SERPINI1: variants seen among roughly 807,000 people sequenced by gnomAD.
The protein encoded by SERPINI1 is serpin family I member 1.
In SERPINI1, 19 loss-of-function variants were observed where a neutral mutation model predicts 41.1. That is an observed-to-expected ratio of 0.46 (90% confidence interval 0.32 to 0.68). The LOEUF is 0.68. SERPINI1 is among the 30% of genes least tolerant of loss of function. The pLI is 0.03. For synonymous variants in SERPINI1, 138 were observed against 156.6 expected, an observed-to-expected ratio of 0.88 and a Z score of 0.89; for missense variants, 460 against 479.2, an observed-to-expected ratio of 0.96 and a Z score of 0.37.
chr3:167,764,946 G>C (rs1726510830), intron 1 of SERPINI1, among the ~76,000 whole-genome samples: 1 of 152,170 alleles, frequency 6.6e-6, no homozygotes, highest in Non-Finnish European at 1.5e-5. Flanking sequence ...TCACATCCAG[G>C]TCACACTGAT....
intron 5 of SERPINI1, chr3:167,800,023 T>C (rs1021334424): frequency 6.6e-6 from 1 of 152,146 alleles, no homozygotes; most frequent in Admixed American, 6.6e-5. Flanking sequence ...GCTTTTGTAT[T>C]TTAGCAGTTT....
rs531953698 is a variant in SERPINI1, at chr3:167,820,873, C to T, written c.980-2113C>T. ...GAATGAGAACTTACGGTGCTTTTTC[C>T]GCGCCACCTGTGGCCACCCATGGAT... On this transcript the variant is annotated intron_variant, in intron 6 of 8. Transcript: ENST00000446050. Among the ~76,000 whole-genome samples, 15 of 152,254 alleles carry T rather than the reference C, an allele frequency of 9.9e-5. No homozygotes were observed. The East Asian group carries it at 1.7e-3, about 18-fold the overall frequency.
At chr3:167,794,869 C>CTA in intron 5 of SERPINI1, 45 bp downstream of exon 5, 1 of 1,508,064 alleles carries the variant, frequency 6.6e-7, no homozygotes, top group African/African-American at 1.4e-5. Context: ...GGACGATGGG[C>CTA]TATCAATGAA....
At chr3:167,800,793 C>CTGTTTTGTTTTGTTTTGTTT (rs10647517) in intron 5 of SERPINI1, among the ~76,000 whole-genome samples, 8,701 of 151,650 alleles carry the variant, frequency 0.057, 876 homozygotes, top group African/African-American at 0.2. Flanking sequence ...TTTGTTGTTG[C>CTGTTTTGTTTTGTTTTGTTT]TGTTTTGTTT....
In SERPINI1 at chr3:167,750,495, AG is replaced by A. The variant is rs1323977969; in HGVS notation, c.-19+14674del. 2.6e-5 allele frequency among the ~76,000 whole-genome samples: 4 copies of A among 152,334 alleles called. No homozygotes were observed. In the East Asian group the frequency reaches 7.7e-4, roughly 29 times the overall value. ...TGATGCTTATTTGTGTATCATGTGA[AG>A]GCTATTATTAGTATGTGAAGAGAAA... On this transcript the variant is annotated intron_variant, in intron 1 of 8. Coordinates refer to ENST00000446050, the MANE Select transcript of SERPINI1 (RefSeq NM_001122752.2).
intron 6 of SERPINI1, among the ~76,000 whole-genome samples, chr3:167,819,634 T>C (rs1218965489): frequency 2.6e-5 from 4 of 152,228 alleles, no homozygotes; most frequent in Non-Finnish European, 5.9e-5. Context: ...TTGGGGCTTA[T>C]TCAAAGTAAT....
At chr3:167,805,754 C>T (rs1021644574) in intron 5 of SERPINI1, among the ~76,000 whole-genome samples, 6 of 152,028 alleles carry the variant, frequency 3.9e-5, no homozygotes, top group African/African-American at 9.7e-5. Context: ...CTGTTTTCTG[C>T]GTATGGCTAG....
chr3:167,771,926 G>A (rs1334398637), intron 1 of SERPINI1, among the ~76,000 whole-genome samples: 2 of 152,224 alleles, frequency 1.3e-5, no homozygotes, highest in African/African-American at 4.8e-5. Flanking sequence ...TAAATTAACA[G>A]AAGTGAACCT....
At chr3:167,769,620 T>C (rs969867478) in intron 1 of SERPINI1, among the ~76,000 whole-genome samples, 2 of 152,160 alleles carry the variant, frequency 1.3e-5, no homozygotes, top group Non-Finnish European at 2.9e-5. Context: ...CTACAACTTT[T>C]AAGAGGTGAC....
chr3:167,796,678 G>A (rs914222688), intron 5 of SERPINI1, among the ~76,000 whole-genome samples: 2 of 152,018 alleles, frequency 1.3e-5, no homozygotes, highest in Non-Finnish European at 1.5e-5. Context: ...CCCTGCAAAG[G>A]GCATGATCTC....
At chr3:167,763,543 C>G (rs112789956) in intron 1 of SERPINI1, among the ~76,000 whole-genome samples, 2,827 of 152,216 alleles carry the variant, frequency 0.019, 27 homozygotes, top group Non-Finnish European at 0.028. Flanking sequence ...CCACGCCCAG[C>G]TAATTTATCT....
intron 6 of SERPINI1, among the ~76,000 whole-genome samples, chr3:167,809,033 TA>T (rs1176692957): frequency 6.6e-6 from 1 of 152,184 alleles, no homozygotes; most frequent in African/African-American, 2.4e-5. Context: ...AGAGCTTTTC[TA>T]AATGTCTACT....
intron 1 of SERPINI1, among the ~76,000 whole-genome samples, chr3:167,753,996 G>A (rs1726123483): frequency 6.6e-6 from 1 of 152,118 alleles, no homozygotes; most frequent in South Asian, 2.1e-4. Flanking sequence ...AGGGGGAGAG[G>A]AGTAGATTTC....
chr3:167,787,214 G>A (rs1396674817), intron 1 of SERPINI1, among the ~76,000 whole-genome samples: 6 of 152,102 alleles, frequency 3.9e-5, no homozygotes, highest in African/African-American at 1.4e-4. Flanking sequence ...GTCATCTCCT[G>A]TGATAACAAT....
intron 6 of SERPINI1, among the ~76,000 whole-genome samples, chr3:167,811,739 A>G (rs1002816541): frequency 2.0e-5 from 3 of 152,164 alleles, no homozygotes; most frequent in African/African-American, 7.2e-5. Context: ...TTAATAGGCC[A>G]GGCGCAGTGA....
intron 5 of SERPINI1, among the ~76,000 whole-genome samples, chr3:167,798,413 C>T (rs1727782213): frequency 1.3e-5 from 2 of 152,150 alleles, no homozygotes; most frequent in African/African-American, 4.8e-5. Flanking sequence ...CAGAATGGCT[C>T]TTTTCAAATA....
Position 167,819,719 on chromosome 3 carries a change from A to G in SERPINI1, c.980-3267A>G, listed in dbSNP as rs184211632. Among the ~76,000 whole-genome samples the G allele has an allele frequency of 2.0e-5, 3 of 152,326 alleles. No individual in the cohort carries two copies. In the East Asian group the frequency reaches 5.8e-4, roughly 29 times the overall value. ...TGTACAAGATAATTATGTGCTTTTC[A>G]AAGCTTGAAGGAAAATGTATTTTGT... On this transcript the variant is annotated intron_variant, in intron 6 of 8. Transcript: ENST00000446050.
chr3:167,752,664 CT>C (rs1390244172), intron 1 of SERPINI1, among the ~76,000 whole-genome samples: 1 of 151,998 alleles, frequency 6.6e-6, no homozygotes, highest in Non-Finnish European at 1.5e-5. Context: ...ATAAATTATA[CT>C]GTGTTTAGGA....
intron 1 of SERPINI1, among the ~76,000 whole-genome samples, chr3:167,754,164 T>G (rs1726128098): frequency 6.6e-6 from 1 of 152,232 alleles, no homozygotes; most frequent in Non-Finnish European, 1.5e-5. Context: ...ATTTTTATAC[T>G]GGTTAATTAG....
Sources: allele counts gnomAD v4.1 joint callset (sites outside exome capture counted in the v4.1 genomes callset), GRCh38; gene constraint gnomAD v4.1.1; transcripts MANE v1.5; gene names NCBI Gene and HGNC (gene_info 2026-07-23, HGNC 2026-07-21).